The following SGMS2 variants were observed in gnomAD, a reference collection of about 807,000 sequenced individuals.
SGMS2 encodes sphingomyelin synthase 2.
SGMS2 carries 21 observed loss-of-function variants against 43.8 expected under a neutral mutation model. That is an observed-to-expected ratio of 0.48 (90% confidence interval 0.34 to 0.69). SGMS2 has a LOEUF of 0.69. SGMS2 is among the 30% of genes least tolerant of loss of function. SGMS2 has a pLI of 0.01. For missense variants in SGMS2, 384 were observed against 443.2 expected (o/e 0.87, Z 1.20); for synonymous variants, 167 against 160.6 (o/e 1.04, Z -0.30).
At chr4:107,824,931 C>T (rs1017767321), upstream of SGMS2, 1 of 151,334 alleles carries the variant, frequency 6.6e-6, no homozygotes, top group African/African-American at 2.4e-5. Context: ...CCGCGGTCAA[C>T]ACTGAGCGCC....
chr4:107,855,643 A>T lies in SGMS2; in HGVS notation c.-326-2829A>T, dbSNP rs150852414. Among the ~76,000 whole-genome samples the T allele has an allele frequency of 6.0e-3, 912 of 152,270 alleles. 3 individuals carry two copies. Among genetic ancestry groups the T allele is most frequent in the Non-Finnish European group, 0.01 (696 of 68,012 alleles). On this transcript the variant is annotated intron_variant, in intron 1 of 6. Coordinates refer to ENST00000690982, the MANE Select transcript of SGMS2 (RefSeq NM_001375905.1). ...GGAGAATGTTCCATGTGCTGCTGAG[A>T]AGAATGTGTATTGTATAGCCGTTGG... is the stretch of plus-strand genomic sequence containing the variant.
chr4:107,909,390 C>T (rs1461488258), intron 6 of SGMS2, among the ~76,000 whole-genome samples: 4 of 152,136 alleles, frequency 2.6e-5, no homozygotes, highest in Non-Finnish European at 5.9e-5. Context: ...GGATTATAGG[C>T]GTGAACCACC....
intron 3 of SGMS2, 79 bp downstream of exon 3, chr4:107,896,087 C>T: frequency 7.6e-7 from 1 of 1,321,436 alleles, no homozygotes; most frequent in East Asian, 2.4e-5. Flanking sequence ...ATTATTTTTC[C>T]TTTTTTTCCC....
intron 2 of SGMS2, among the ~76,000 whole-genome samples, chr4:107,861,784 A>T (rs1194930463): frequency 6.6e-6 from 1 of 152,230 alleles, no homozygotes; most frequent in African/African-American, 2.4e-5. Flanking sequence ...AAGTGAAGTA[A>T]TTCATATCTA....
intron 4 of SGMS2, 143 bp from the exon 5 acceptor site, chr4:107,903,090 C>T (rs1731260991): frequency 1.3e-6 from 1 of 744,402 alleles, no homozygotes; most frequent in African/African-American, 1.8e-5. Context: ...TGAGGAGCTT[C>T]TCCTTGGATT....
chr4:107,833,285 G>C (rs968584015), intron 1 of SGMS2, among the ~76,000 whole-genome samples: 1 of 152,156 alleles, frequency 6.6e-6, no homozygotes, highest in African/African-American at 2.4e-5. Context: ...ATCTTTATCG[G>C]AGGAGAGTAG....
intron 1 of SGMS2, among the ~76,000 whole-genome samples, chr4:107,838,934 A>G (rs1374235480): frequency 6.6e-6 from 1 of 152,072 alleles, no homozygotes; most frequent in East Asian, 1.9e-4. Context: ...GACTGAGGAT[A>G]TCTTTGCCCA....
intron 5 of SGMS2, among the ~76,000 whole-genome samples, chr4:107,906,145 G>A (rs577100350): frequency 6.6e-6 from 1 of 152,258 alleles, no homozygotes; most frequent in Non-Finnish European, 1.5e-5. Context: ...AGTGGTTCCA[G>A]TGGTTTCTTT....
rs1241183237 is a variant in SGMS2, at chr4:107,908,641, A to C, written c.804A>C (p.Val268=). ...CTGCCGGGATCATCTGCATTCTTGT[A>C]GCACACGAACACTACACTATCGATG... The part of the protein sequence containing the change: ...LSAAGIICIL[V]AHEHYTIDVI... Residue 268 remains valine (V), a synonymous_variant, in exon 6 of 7, where the codon GTA becomes GTC. Transcript: ENST00000690982. 1 of 1,613,980 alleles carries C rather than the reference A, an allele frequency of 6.2e-7. No homozygotes were observed. Among genetic ancestry groups the C allele is most frequent in the South Asian group, 1.1e-5 (1 of 91,080 alleles).
chr4:107,882,938 G>A (rs1191196636), intron 2 of SGMS2, among the ~76,000 whole-genome samples: 1 of 151,966 alleles, frequency 6.6e-6, no homozygotes, highest in East Asian at 1.9e-4. Flanking sequence ...TTTGATCAAT[G>A]TTTTGCATCT....
intron 2 of SGMS2, chr4:107,868,030 T>C (rs1328519256): frequency 6.6e-6 from 1 of 152,328 alleles, no homozygotes; most frequent in Non-Finnish European, 1.5e-5. Flanking sequence ...AGAGGAAATA[T>C]AGCATAATAG....
chr4:107,883,125 G>A (rs548115036), intron 2 of SGMS2, among the ~76,000 whole-genome samples: 64 of 152,232 alleles, frequency 4.2e-4, no homozygotes, highest in African/African-American at 1.5e-3. Flanking sequence ...TGGAACCCAT[G>A]TCTATGCTCA....
intron 6 of SGMS2, among the ~76,000 whole-genome samples, 195 bp downstream of exon 6, chr4:107,908,926 A>G (rs548986414): frequency 4.6e-5 from 7 of 152,346 alleles, no homozygotes; most frequent in Non-Finnish European, 7.3e-5. Context: ...TAAAAATGCC[A>G]TAAAGTTATG....
At chr4:107,850,080 G>C (rs1171252434) in intron 1 of SGMS2, among the ~76,000 whole-genome samples, 1 of 152,186 alleles carries the variant, frequency 6.6e-6, no homozygotes, top group African/African-American at 2.4e-5. Flanking sequence ...ACAATAGTGA[G>C]TTCTCAGAAG....
chr4:107,846,924 T>C (rs1726861324), intron 1 of SGMS2, among the ~76,000 whole-genome samples: 1 of 152,108 alleles, frequency 6.6e-6, no homozygotes, highest in South Asian at 2.1e-4. Flanking sequence ...TTGAGAAGTG[T>C]CTGTTCATAT....
Position 107,910,706 on chromosome 4 carries a change from C to T in SGMS2, c.*153C>T. The T allele has an allele frequency of 1.5e-6, 1 of 665,104 alleles. No individual in the cohort carries two copies. The highest frequency in any genetic ancestry group is 2.5e-6 in the Non-Finnish European group (1 of 398,118). The allele number at this position is 665,104 out of a possible 1,614,324, so 41.2% of individuals were successfully genotyped here. A position where few individuals can be genotyped will look rare whatever the true frequency, so the allele number is the denominator to read the frequency against. On this transcript the variant is annotated 3_prime_UTR_variant, in exon 7 of 7. Transcript: ENST00000690982. The stretch of plus-strand genomic sequence containing the variant: ...ATTAGAAAGATGAACAAAGTATTGC[C>T]CTTTGACTGGTTTTCTTCTTCATCC...
Position 107,910,680 on chromosome 4 carries a change from G to C in SGMS2, c.*127G>C, listed in dbSNP as rs566052148. 79 of 791,404 alleles carry C rather than the reference G, an allele frequency of 1.0e-4. No homozygotes were observed. The African/African-American group carries it at 1.3e-3, about 13-fold the overall frequency. 49.0% of individuals were successfully genotyped at this position (791,404 alleles called of 1,614,324 possible). ...GAAATGGACCAAATTTTGTGTAAACGATTAGAAAGATGAACAAAGTATTGC... is the reference window on the plus strand; with the variant it reads ...GAAATGGACCAAATTTTGTGTAAACCATTAGAAAGATGAACAAAGTATTGC... On this transcript the variant is annotated 3_prime_UTR_variant, in exon 7 of 7. Transcript: ENST00000690982.
Position 107,876,803 on chromosome 4 carries a change from A to G in SGMS2, c.-245+18250A>G, listed in dbSNP as rs146154635. Among the ~76,000 whole-genome samples, 589 of 152,286 alleles carry G rather than the reference A, an allele frequency of 3.9e-3. 12 individuals are homozygous for G. The highest frequency in any genetic ancestry group is 0.036 in the Admixed American group (556 of 15,294). On this transcript the variant is annotated intron_variant, in intron 2 of 6. Transcript: ENST00000690982. ...ATCTAGGAAATTTTTTGTGGTAGAC[A>G]AGGAAATATACTGTTGACTTTGATT...
intron 2 of SGMS2, among the ~76,000 whole-genome samples, chr4:107,876,465 A>G (rs972441232): frequency 1.3e-5 from 2 of 152,212 alleles, no homozygotes; most frequent in Non-Finnish European, 2.9e-5. Context: ...ATCTCAAAAC[A>G]GAGAGGTAAT....
Sources: gnomAD v4.1 joint callset for allele counts (sites outside exome capture counted in the v4.1 genomes callset) on GRCh38, gnomAD v4.1.1 for gene constraint, MANE v1.5 for transcripts, NCBI Gene and HGNC (gene_info 2026-07-23, HGNC 2026-07-21) for gene names.